The following ATP13A3 variants were observed in gnomAD, a reference collection of about 807,000 sequenced individuals.
The protein encoded by ATP13A3 is ATPase 13A3.
ATP13A3 carries 59 observed loss-of-function variants against 158.1 expected under a neutral mutation model. The ratio of observed to expected loss-of-function variants is 0.37; its 90% CI spans 0.30 to 0.46. The LOEUF (loss-of-function observed/expected upper bound fraction) is 0.46, where lower values mean the gene tolerates loss of function less well. ATP13A3 is among the 20% of genes least tolerant of loss of function. The pLI is 1.00. For missense variants in ATP13A3, 1,166 were observed against 1,525.2 expected, an observed-to-expected ratio of 0.76 and a Z score of 3.92; for synonymous variants, 491 against 504.3, an observed-to-expected ratio of 0.97 and a Z score of 0.35.
intron 24 of ATP13A3, 62 bp from the exon 25 acceptor site, chr3:194,430,377 A>T: frequency 6.6e-7 from 1 of 1,521,336 alleles, no homozygotes; most frequent in South Asian, 1.2e-5. Flanking sequence ...CATTTAACTT[A>T]TTAAGACTTT....
upstream of ATP13A3, among the ~76,000 whole-genome samples, chr3:194,489,171 G>A (rs1214008161): frequency 1.3e-5 from 2 of 152,166 alleles, no homozygotes; most frequent in Admixed American, 6.5e-5. The surrounding 1 kb of genome is among the most constrained non-coding windows in gnomAD (Gnocchi z 4.1). Flanking sequence ...TGGGCTGGGC[G>A]CAGTGGCTCA....
At chr3:194,476,814 T>G (rs2109043516) in intron 2 of ATP13A3, among the ~76,000 whole-genome samples, 1 of 151,582 alleles carries the variant, frequency 6.6e-6, no homozygotes. Context: ...TTAAATAATA[T>G]TAAGCAGGCC....
intron 26 of ATP13A3, 106 bp from the exon 27 acceptor site, chr3:194,429,880 A>C: frequency 1.8e-6 from 2 of 1,111,756 alleles, no homozygotes; most frequent in Non-Finnish European, 2.6e-6. Context: ...CAACGGCTAC[A>C]ACAAAGTGCT....
chr3:194,411,052 T>TA (rs1342644854), intron 33 of ATP13A3, among the ~76,000 whole-genome samples: 1 of 131,404 alleles, frequency 7.6e-6, no homozygotes, highest in African/African-American at 3.9e-5. Context: ...CAACTGGTAT[T>TA]ACACTGCTTT....
chr3:194,459,685 A>G, intron 5 of ATP13A3, 104 bp downstream of exon 5: 1 of 1,277,240 alleles, frequency 7.8e-7, no homozygotes, highest in South Asian at 1.5e-5. Context: ...AGGTAAATTT[A>G]TCTCAAGCAT....
intron 11 of ATP13A3, among the ~76,000 whole-genome samples, chr3:194,449,397 T>C (rs1718643372): frequency 6.6e-6 from 1 of 152,082 alleles, no homozygotes. Context: ...AATAAGATAT[T>C]GGACAGGCAC....
chr3:194,437,581 C>T lies in ATP13A3; in HGVS notation c.1828-8G>A, dbSNP rs777305225. ...TGGAAGTTCAAACAGCTCCTAAAAA[C>T]GAAACAAAACAAGAAAAAATAGTAC... On this transcript the variant is annotated splice_polypyrimidine_tract_variant and splice_region_variant and intron_variant, in intron 17 of 33. Coordinates refer to ENST00000645319, the MANE Select transcript of ATP13A3 (RefSeq NM_001367549.1). The T allele has an allele frequency of 5.9e-5, 94 of 1,599,242 alleles. No homozygotes were observed. The highest frequency in any genetic ancestry group is 1.3e-4 in the South Asian group (12 of 89,524).
intron 33 of ATP13A3, among the ~76,000 whole-genome samples, chr3:194,410,296 CAAAAAAAAAAAAAAAAAAA>C (rs772008929): frequency 2.8e-3 from 62 of 21,830 alleles, no homozygotes; most frequent in Middle Eastern, 0.071. Context: ...CTCCTCTCTG[CAAAAAAAAAAAAAAAAAAA>C]AAAAAAAAAA....
chr3:194,411,462 G>A (rs1715421967), intron 33 of ATP13A3, among the ~76,000 whole-genome samples: 1 of 152,108 alleles, frequency 6.6e-6, no homozygotes, highest in Non-Finnish European at 1.5e-5. Flanking sequence ...TTCATAGGAT[G>A]GGTTTAAAAA....
At position 194,439,749 on chromosome 3, in the gene ATP13A3, G is replaced by A. The variant is rs9847387; in HGVS notation, c.1711-777C>T. 1.1e-4 allele frequency among the ~76,000 whole-genome samples: 17 copies of A among 151,918 alleles called. 1 individual carries two copies. Among genetic ancestry groups the A allele is most frequent in the African/African-American group, 1.2e-4 (5 of 41,354 alleles). On this transcript the variant is annotated intron_variant, in intron 16 of 33. Coordinates refer to ENST00000645319, the MANE Select transcript of ATP13A3 (RefSeq NM_001367549.1). Reference sequence around the variant, plus strand: ...GACTGGCTATGTGAAACCATTTCACGGATAAGTAAGCTCTGGTGGGATCAA... The same window carrying A: ...GACTGGCTATGTGAAACCATTTCACAGATAAGTAAGCTCTGGTGGGATCAA...
In ATP13A3 at chr3:194,460,839, G is replaced by A. The variant is rs1401721361; in HGVS notation, c.52-8C>T. ...ATTGTAACCATAAATCTCCTGCATGGACACAGCGATCACATGATTAATTAT... is the reference window on the plus strand; with the variant it reads ...ATTGTAACCATAAATCTCCTGCATGAACACAGCGATCACATGATTAATTAT... On this transcript the variant is annotated splice_region_variant and splice_polypyrimidine_tract_variant and intron_variant, in intron 3 of 33. Coordinates refer to ENST00000645319, the MANE Select transcript of ATP13A3 (RefSeq NM_001367549.1). The A allele has an allele frequency of 6.2e-7, 1 of 1,610,132 alleles. No homozygotes were observed. Among genetic ancestry groups the A allele is most frequent in the East Asian group, 2.2e-5 (1 of 44,748 alleles).
intron 2 of ATP13A3, among the ~76,000 whole-genome samples, chr3:194,471,265 A>G (rs1720288298): frequency 6.8e-6 from 1 of 147,720 alleles, no homozygotes; most frequent in South Asian, 2.1e-4. Context: ...TCTCCTCTAC[A>G]TTTTGGCCCA....
intron 2 of ATP13A3, chr3:194,493,981 G>A: frequency 2.5e-6 from 1 of 394,218 alleles, no homozygotes; most frequent in Non-Finnish European, 4.5e-6. Flanking sequence ...GATTATTTCT[G>A]CTTACAAATT....
intron 7 of ATP13A3, among the ~76,000 whole-genome samples, chr3:194,456,184 TTA>T (rs1331315023): frequency 1.8e-4 from 28 of 152,114 alleles, no homozygotes; most frequent in Non-Finnish European, 3.2e-4. Flanking sequence ...TCTCACATCT[TTA>T]TGTGTGACAA....
At chr3:194,429,825 C>T (rs1717088387) in intron 26 of ATP13A3, 51 bp from the exon 27 acceptor site, 4 of 1,487,204 alleles carry the variant, frequency 2.7e-6, no homozygotes, top group Non-Finnish European at 3.7e-6. Context: ...TTTTAAACTC[C>T]TTTTCCAAAC....
chr3:194,492,220 C>T (rs1015656372), intron 2 of ATP13A3, among the ~76,000 whole-genome samples: 18 of 152,250 alleles, frequency 1.2e-4, no homozygotes, highest in African/African-American at 3.9e-4. Flanking sequence ...ATTCCTCAAA[C>T]GCACCAACCT....
At chr3:194,415,661 C>CTT (rs751005733) in intron 31 of ATP13A3, among the ~76,000 whole-genome samples, 1,812 of 90,900 alleles carry the variant, frequency 0.02, 279 homozygotes, top group African/African-American at 0.076. Context: ...ATACCACATT[C>CTT]TTTTTTTTTT....
chr3:194,447,418 T>C (rs1718480708), intron 13 of ATP13A3, among the ~76,000 whole-genome samples: 1 of 152,180 alleles, frequency 6.6e-6, no homozygotes, highest in Admixed American at 6.5e-5. Flanking sequence ...TTATCAGATA[T>C]TGACTCAGCG....
rs1269706855 is a variant in ATP13A3, at chr3:194,448,321, G to C, written c.1150+136C>G. 4.0e-6 allele frequency: 4 copies of C among 989,974 alleles called. No individual in the cohort carries two copies. The East Asian group carries it at 1.0e-4, about 26-fold the overall frequency. 61.3% of individuals were successfully genotyped at this position (989,974 alleles called of 1,614,324 possible). The stretch of plus-strand genomic sequence containing the variant: ...TCTCAATCTCCTGACCTCATGATCC[G>C]CCCACCTCGGCTTCCCAAAGTGCTG... On this transcript the variant is annotated intron_variant, in intron 12 of 33. Coordinates refer to ENST00000645319, the MANE Select transcript of ATP13A3 (RefSeq NM_001367549.1). The surrounding 1 kb of genome is among the most constrained non-coding windows in gnomAD (Gnocchi z 4.0).
Sources: allele counts gnomAD v4.1 joint callset (sites outside exome capture counted in the v4.1 genomes callset), GRCh38; gene constraint gnomAD v4.1.1; non-coding constraint Gnocchi (gnomAD v3.1); transcripts MANE v1.5; gene names NCBI Gene and HGNC (gene_info 2026-07-23, HGNC 2026-07-21).